The following FAM151B variants were observed in gnomAD, a reference collection of about 807,000 sequenced individuals.
FAM151B encodes family with sequence similarity 151 member B.
Under a neutral mutation model 31.2 loss-of-function variants are expected in FAM151B, and 24 were observed. That is an observed-to-expected ratio of 0.77 (90% CI 0.56 to 1.08). The LOEUF (loss-of-function observed/expected upper bound fraction) is 1.08, where lower values mean the gene tolerates loss of function less well. FAM151B is among the 50% of genes least tolerant of loss of function. FAM151B has a pLI of 0.00. For synonymous variants in FAM151B, 105 were observed against 111.4 expected (o/e 0.94, Z 0.36); for missense variants, 293 against 328.6 (o/e 0.89, Z 0.84).
chr5:80,517,165 T>C lies in FAM151B; in HGVS notation c.318-2528T>C, dbSNP rs554818283. On this transcript the variant is annotated intron_variant, in intron 3 of 5. Coordinates refer to ENST00000282226, the MANE Select transcript of FAM151B (RefSeq NM_205548.3). The stretch of plus-strand genomic sequence containing the variant: ...TTTGAGAGAGAGAGAGAGACCACAT[T>C]CACATAACTTTTATTATAGTATATT... 5.3e-5 allele frequency among the ~76,000 whole-genome samples: 8 copies of C among 152,288 alleles called. No homozygotes were observed. The East Asian group carries it at 1.4e-3, about 26-fold the overall frequency.
At chr5:80,488,913 A>G (rs748195405) in intron 1 of FAM151B, among the ~76,000 whole-genome samples, 1 of 152,118 alleles carries the variant, frequency 6.6e-6, no homozygotes, top group Non-Finnish European at 1.5e-5. Context: ...TTTATAAAGT[A>G]TATTAGTATA....
At position 80,501,779 on chromosome 5, in the gene FAM151B, ACT is replaced by A; in HGVS notation, c.26-12_26-11del. On this transcript the variant is annotated splice_polypyrimidine_tract_variant and intron_variant, in intron 1 of 5. Transcript: ENST00000282226. The stretch of plus-strand genomic sequence containing the variant: ...AAACAATATCACTTTTCATGTAAAC[ACT>A]GTTATTTTAGGATCTTGGAGTGAAA... The A allele has an allele frequency of 6.3e-7, 1 of 1,575,436 alleles. No individual in the cohort carries two copies. The highest frequency in any genetic ancestry group is 8.6e-7 in the Non-Finnish European group (1 of 1,157,312).
intron 5 of FAM151B, among the ~76,000 whole-genome samples, chr5:80,530,180 C>T (rs1745167690): frequency 6.6e-6 from 1 of 152,162 alleles, no homozygotes; most frequent in Non-Finnish European, 1.5e-5. Context: ...TGACAAAATT[C>T]AACAGCCCTT....
intron 5 of FAM151B, among the ~76,000 whole-genome samples, chr5:80,532,922 A>G (rs545945040): frequency 1.6e-4 from 25 of 152,350 alleles, no homozygotes; most frequent in African/African-American, 5.3e-4. Context: ...AGAAATTAAG[A>G]AAGAAATTGA....
rs753912854 is a variant in FAM151B, at chr5:80,522,137, A to C, written c.670A>C (p.Arg224=). The change falls in exon 5 of 6, where the codon AGG becomes CGG. Residue 224 remains arginine (R), a splice_region_variant and synonymous_variant. Transcript: ENST00000282226. ...QLLWLLKKSN[R]YSLTIWTGKN... is the part of the protein sequence containing the mutation. ...ACTTTGGCTGTTAAAGAAATCAAAC[A>C]GGTATGTAATAGTTTAACAAATGTG... 5.6e-6 allele frequency: 9 copies of C among 1,612,644 alleles called. No homozygotes were observed. The highest frequency in any genetic ancestry group is 7.6e-6 in the Non-Finnish European group (9 of 1,178,880).
intron 2 of FAM151B, chr5:80,510,616 T>C (rs1744143988): frequency 6.6e-6 from 1 of 152,186 alleles, no homozygotes; most frequent in Admixed American, 6.5e-5. Context: ...TCTAATTGAA[T>C]CCCCAAACTA....
intron 2 of FAM151B, among the ~76,000 whole-genome samples, chr5:80,504,515 T>G (rs1336997082): frequency 3.3e-4 from 2 of 6,016 alleles, no homozygotes; most frequent in African/African-American, 4.7e-4. Context: ...ACTATTACTC[T>G]TTTTTTTTTT....
At position 80,507,990 on chromosome 5, in the gene FAM151B, CT is replaced by C. The variant is rs543068555; in HGVS notation, c.152-5610del. 1.6e-3 allele frequency among the ~76,000 whole-genome samples: 248 copies of C among 152,328 alleles called. 2 individuals carry two copies. Among genetic ancestry groups the C allele is most frequent in the African/African-American group, 5.7e-3 (236 of 41,566 alleles). ...CTGAATTGTCACTTCCTCAAAAAGA[CT>C]TTTCCTGACTCCAGAATCAAAATTC... On this transcript the variant is annotated intron_variant, in intron 2 of 5. Coordinates refer to ENST00000282226, the MANE Select transcript of FAM151B (RefSeq NM_205548.3).
intron 2 of FAM151B, among the ~76,000 whole-genome samples, chr5:80,508,031 C>T (rs766644734): frequency 2.6e-5 from 4 of 152,190 alleles, no homozygotes; most frequent in Non-Finnish European, 4.4e-5. Context: ...AAGCACCTTC[C>T]TATGTGGCCT....
intron 2 of FAM151B, 107 bp downstream of exon 2, chr5:80,502,024 G>C: frequency 1.4e-6 from 1 of 724,018 alleles, no homozygotes; most frequent in African/African-American, 1.8e-5. Context: ...TGATCCAAGT[G>C]TAAGTTCCAG....
rs776793995 is a variant in FAM151B, at chr5:80,541,831, A to G, written c.830A>G (p.Ter277=). 1.9e-6 allele frequency: 3 copies of G among 1,610,300 alleles called. No individual in the cohort carries two copies. The highest frequency in any genetic ancestry group is 2.5e-6 in the Non-Finnish European group (3 of 1,178,778). The change falls in exon 6 of 6, where the codon TAA becomes TGA. Residue 277 remains the stop codon, a stop_retained_variant. Transcript: ENST00000282226. ...GCCATTGGAATCAAAGTTAATCTCT[A>G]AGAAGAAGATTCTCAATTATTTCCT... ...KQAIGIKVNL[*]
chr5:80,494,456 T>TTTCTTTCTTTTCTTTTCTTTCTTTCTTTC (rs753640131), intron 1 of FAM151B, among the ~76,000 whole-genome samples: 2 of 82,750 alleles, frequency 2.4e-5, no homozygotes, highest in African/African-American at 4.4e-5. Context: ...TCTTTCTTTC[T>TTTCTTTCTTTTCTTTTCTTTCTTTCTTTC]TTTCTTTCTT....
In FAM151B at chr5:80,497,796, G is replaced by C. The variant is rs958985778; in HGVS notation, c.26-3996G>C. Among the ~76,000 whole-genome samples, 9 of 145,266 alleles carry C rather than the reference G, an allele frequency of 6.2e-5. No homozygotes were observed. The Admixed American group carries it at 6.3e-4, about 10-fold the overall frequency. On this transcript the variant is annotated intron_variant, in intron 1 of 5. Coordinates refer to ENST00000282226, the MANE Select transcript of FAM151B (RefSeq NM_205548.3). ...CATCACACACCAGGGCCTGTCGTGG[G>C]GTAGGGGGAGGGGGGAGGGATAGCA... is the stretch of plus-strand genomic sequence containing the variant.
chr5:80,501,956 T>C (rs1254780863), intron 2 of FAM151B, 39 bp downstream of exon 2: 4 of 1,482,744 alleles, frequency 2.7e-6, no homozygotes, highest in Admixed American at 2.0e-5. Flanking sequence ...CTTTGGATAA[T>C]AGATTAATTC....
chr5:80,529,642 A>G (rs1172117492), intron 5 of FAM151B, among the ~76,000 whole-genome samples: 1 of 152,192 alleles, frequency 6.6e-6, no homozygotes, highest in Non-Finnish European at 1.5e-5. Context: ...ATCTAGAAGA[A>G]ATGGATAAAT....
At position 80,538,506 on chromosome 5, in the gene FAM151B, T is replaced by C. The variant is rs1471526640; in HGVS notation, c.672-3167T>C. 1.4e-4 allele frequency among the ~76,000 whole-genome samples: 15 copies of C among 105,428 alleles called. 1 individual carries two copies. Among genetic ancestry groups the C allele is most frequent in the Non-Finnish European group, 2.8e-4 (15 of 54,322 alleles). 69.2% of individuals were successfully genotyped at this position (105,428 alleles called of 152,430 possible). A position where few individuals can be genotyped will look rare whatever the true frequency, so the allele number is the denominator to read the frequency against. On this transcript the variant is annotated intron_variant, in intron 5 of 5. Coordinates refer to ENST00000282226, the MANE Select transcript of FAM151B (RefSeq NM_205548.3). ...TCTTTCCTTCCTTCCTTCCTTTCTT[T>C]TCTTTCTTTCCTTCCTTCCTTCCTT...
intron 1 of FAM151B, chr5:80,498,493 A>T (rs1037258039): frequency 2.7e-6 from 2 of 746,256 alleles, no homozygotes; most frequent in Non-Finnish European, 4.4e-6. Context: ...CTTTTAAAAA[A>T]GATGTTAGCT....
At chr5:80,534,214 T>C (rs925371928) in intron 5 of FAM151B, among the ~76,000 whole-genome samples, 11 of 151,562 alleles carry the variant, frequency 7.3e-5, no homozygotes, top group Admixed American at 6.6e-4. Flanking sequence ...ATTCAAACTA[T>C]CCAAAAAATA....
chr5:80,488,118 G>C lies in FAM151B; in HGVS notation c.-6G>C. 1 of 1,541,986 alleles carries C rather than the reference G, an allele frequency of 6.5e-7. No homozygotes were observed. On this transcript the variant is annotated 5_prime_UTR_variant, in exon 1 of 6. Coordinates refer to ENST00000282226, the MANE Select transcript of FAM151B (RefSeq NM_205548.3). ...GGCGCCTGCGCGGACGGCGGGCGTCGTCACCATGGCAGCATCCGCTGGAGG... is the reference window on the plus strand; with the variant it reads ...GGCGCCTGCGCGGACGGCGGGCGTCCTCACCATGGCAGCATCCGCTGGAGG...
Sources: gnomAD v4.1 joint callset for allele counts (sites outside exome capture counted in the v4.1 genomes callset) on GRCh38, gnomAD v4.1.1 for gene constraint, MANE v1.5 for transcripts, NCBI Gene and HGNC (gene_info 2026-07-23, HGNC 2026-07-21) for gene names.